Variants in TSPAN12 observed in about 807,000 individuals in gnomAD.
The protein encoded by TSPAN12 is tetraspanin 12.
In TSPAN12, 19 loss-of-function variants were observed where a neutral mutation model predicts 39.2. That is an observed-to-expected ratio of 0.49 (90% CI 0.34 to 0.71). The LOEUF is 0.71. Ranked by LOEUF, TSPAN12 falls within the 30% of genes least tolerant of loss-of-function variation. The pLI is 0.01. For synonymous variants in TSPAN12, 119 were observed against 124.8 expected (o/e 0.95, Z 0.31); for missense variants, 314 against 359.9 (o/e 0.87, Z 1.03).
chr7:120,818,308 C>T (rs753747974), intron 4 of TSPAN12, among the ~76,000 whole-genome samples: 1 of 151,942 alleles, frequency 6.6e-6, no homozygotes, highest in East Asian at 1.9e-4. Flanking sequence ...TAGCAGGTGG[C>T]GTGATCTAAT....
intron 4 of TSPAN12, among the ~76,000 whole-genome samples, chr7:120,828,163 T>TA (rs1313178236): frequency 6.6e-6 from 1 of 152,102 alleles, no homozygotes; most frequent in Non-Finnish European, 1.5e-5. Context: ...CTTCTATCAT[T>TA]AAAAAAGGTT....
rs1584929527 is a variant in TSPAN12, at chr7:120,806,589, T to C, written c.572A>G (p.Lys191Arg). Residue 191 changes from lysine (K) to arginine (R), a missense_variant, in exon 7 of 8, where the codon AAA (lysine) becomes AGA (arginine). Coordinates refer to ENST00000222747, the MANE Select transcript of TSPAN12 (RefSeq NM_012338.4). ...ACTGAGATCTTCCTGGTGGGCCTGT[T>C]TGGAACATCCTGGGAATTCTCTAAC... The part of the protein sequence containing the change: ...CCVREFPGCS[K>R]QAHQEDLSDL... The C allele has an allele frequency of 1.2e-6, 2 of 1,613,558 alleles. No homozygotes were observed. Among genetic ancestry groups the C allele is most frequent in the East Asian group, 2.2e-5 (1 of 44,860 alleles).
intron 4 of TSPAN12, among the ~76,000 whole-genome samples, chr7:120,835,403 T>A (rs1047603780): frequency 2.0e-5 from 3 of 152,160 alleles, no homozygotes; most frequent in African/African-American, 7.2e-5. Context: ...AAATGTTTTA[T>A]ACATTACAGG....
chr7:120,807,550 G>C (rs560673144), intron 6 of TSPAN12, among the ~76,000 whole-genome samples: 1 of 152,180 alleles, frequency 6.6e-6, no homozygotes, highest in Admixed American at 6.6e-5. Context: ...ACTATGGGCA[G>C]TCACTGAGAA....
chr7:120,803,945 A>T (rs1446413678), intron 7 of TSPAN12, among the ~76,000 whole-genome samples: 3 of 152,192 alleles, frequency 2.0e-5, no homozygotes, highest in Admixed American at 2.0e-4. Context: ...AATGTGGAAC[A>T]GTCTTCAGCT....
chr7:120,836,107 AAG>A (rs1264715157), intron 4 of TSPAN12, among the ~76,000 whole-genome samples: 2 of 152,290 alleles, frequency 1.3e-5, no homozygotes, highest in African/African-American at 4.8e-5. Context: ...GAGGACAGAA[AAG>A]AGAGGACAAC....
In TSPAN12 at chr7:120,838,881, G is replaced by A. The variant is rs145449060; in HGVS notation, c.181C>T (p.Pro61Ser). Residue 61 changes from proline (P) to serine (S), a missense_variant, in exon 4 of 8, where the codon CCT becomes TCT. Coordinates refer to ENST00000222747, the MANE Select transcript of TSPAN12 (RefSeq NM_012338.4). ...VEEAVILTYF[P>S]VVHPVMIAVC... ...GCAATCATGACCGGATGAACCACAG[G>A]AAAGTAAGTCAAAATGACTGCTTCC... 1.1e-4 allele frequency: 177 copies of A among 1,613,922 alleles called. No individual in the cohort carries two copies. The African/African-American group carries it at 2.0e-3, about 18-fold the overall frequency.
At chr7:120,800,020 T>C (rs1293238541) in intron 7 of TSPAN12, among the ~76,000 whole-genome samples, 1 of 151,356 alleles carries the variant, frequency 6.6e-6, no homozygotes, top group East Asian at 1.9e-4. Flanking sequence ...ATCTTTCTAA[T>C]TGGTCAAAGA....
intron 5 of TSPAN12, among the ~76,000 whole-genome samples, chr7:120,812,885 C>T (rs115021213): frequency 0.037 from 5,650 of 151,626 alleles, 152 homozygotes; most frequent in African/African-American, 0.076. Context: ...ATGAGCAGTA[C>T]AAAAAAAACC....
chr7:120,792,037 C>T (rs1342636980), intron 7 of TSPAN12, among the ~76,000 whole-genome samples: 3 of 152,122 alleles, frequency 2.0e-5, no homozygotes, highest in East Asian at 1.9e-4. Flanking sequence ...CAAAGTCTTG[C>T]GGCAATCTGA....
chr7:120,804,418 T>C (rs1226532547), intron 7 of TSPAN12, among the ~76,000 whole-genome samples: 1 of 152,144 alleles, frequency 6.6e-6, no homozygotes, highest in African/African-American at 2.4e-5. Context: ...AGAACTAGGT[T>C]CAGTGCCATA....
chr7:120,818,734 G>C (rs902023114), intron 4 of TSPAN12, among the ~76,000 whole-genome samples: 7 of 151,960 alleles, frequency 4.6e-5, no homozygotes, highest in Admixed American at 1.3e-4. Context: ...TTTGTTAAGG[G>C]GCTCTCATTT....
intron 4 of TSPAN12, among the ~76,000 whole-genome samples, chr7:120,835,513 G>T (rs963357037): frequency 6.6e-6 from 1 of 152,168 alleles, no homozygotes; most frequent in Non-Finnish European, 1.5e-5. Context: ...CTGAATATTA[G>T]ATCCTCTCTT....
intron 2 of TSPAN12, among the ~76,000 whole-genome samples, chr7:120,843,055 G>A (rs1181604456): frequency 6.6e-6 from 1 of 151,908 alleles, no homozygotes; most frequent in Admixed American, 6.6e-5. Context: ...TTAGAATACA[G>A]TTTAATATTC....
intron 5 of TSPAN12, among the ~76,000 whole-genome samples, chr7:120,811,317 C>T (rs563383384): frequency 1.3e-5 from 2 of 152,184 alleles, no homozygotes; most frequent in South Asian, 2.1e-4. Flanking sequence ...CAGCACATTT[C>T]GCAATTGTAA....
chr7:120,788,724 G>A lies in TSPAN12; in HGVS notation c.786C>T (p.Ser262=), dbSNP rs767440588. 1.2e-6 allele frequency: 2 copies of A among 1,613,982 alleles called. No individual in the cohort carries two copies. The highest frequency in any genetic ancestry group is 2.7e-5 in the African/African-American group (2 of 74,910). The change falls in exon 8 of 8, where the codon TCC becomes TCT. Residue 262 remains serine, a synonymous_variant. Coordinates refer to ENST00000222747, the MANE Select transcript of TSPAN12 (RefSeq NM_012338.4). ...RREPGTDQMM[S]LKNDNSQHLS... Reference sequence around the variant, plus strand: ...GGTGCTGAGAGTTGTCATTCTTCAAGGACATCATTTGGTCTGTCCCCGGCT... The same window carrying A: ...GGTGCTGAGAGTTGTCATTCTTCAAAGACATCATTTGGTCTGTCCCCGGCT...
intron 2 of TSPAN12, among the ~76,000 whole-genome samples, chr7:120,847,686 C>T (rs974120786): frequency 2.0e-5 from 3 of 152,134 alleles, no homozygotes. Context: ...CCCTTTTCTG[C>T]CACAACTGGC....
chr7:120,811,719 G>T (rs1793986225), intron 5 of TSPAN12, among the ~76,000 whole-genome samples: 1 of 151,418 alleles, frequency 6.6e-6, no homozygotes, highest in South Asian at 2.1e-4. Flanking sequence ...ATACTATTCA[G>T]CCATAAAAAG....
intron 4 of TSPAN12, among the ~76,000 whole-genome samples, chr7:120,832,321 A>T (rs540608150): frequency 1.3e-5 from 2 of 152,152 alleles, no homozygotes; most frequent in Non-Finnish European, 2.9e-5. Context: ...TTTACAGCCC[A>T]AAGAATAACA....
Sources: gnomAD v4.1 joint callset for allele counts (sites outside exome capture counted in the v4.1 genomes callset) on GRCh38, gnomAD v4.1.1 for gene constraint, MANE v1.5 for transcripts, NCBI Gene and HGNC (gene_info 2026-07-23, HGNC 2026-07-21) for gene names.